MPHOSPH8: variants seen among roughly 807,000 people sequenced by gnomAD.
The protein encoded by MPHOSPH8 is M-phase phosphoprotein, mpp.
A neutral mutation model predicts 87.3 loss-of-function variants in MPHOSPH8; 45 were observed. The observed-to-expected ratio is 0.52, with a 90% CI of 0.41 to 0.66. The LOEUF (loss-of-function observed/expected upper bound fraction) is 0.66. Among genes scored for constraint, MPHOSPH8 ranks in the 30% least tolerant of loss-of-function variants. The probability of loss-of-function intolerance (pLI) is 0.00; values close to 1 mark genes in which losing one functional copy is unlikely to be tolerated. For synonymous variants in MPHOSPH8, 366 were observed against 376.9 expected (o/e 0.97, Z 0.33); for missense variants, 883 against 1,020.2 (o/e 0.87, Z 1.83).
intron 1 of MPHOSPH8, among the ~76,000 whole-genome samples, chr13:19,640,010 C>T (rs1438372175): frequency 1.3e-5 from 2 of 151,898 alleles, no homozygotes; most frequent in South Asian, 2.1e-4. Context: ...GGAGGCTGAG[C>T]GATGAGAATC....
chr13:19,671,884 A>G lies in MPHOSPH8; in HGVS notation c.*9A>G. The G allele has an allele frequency of 6.2e-7, 1 of 1,613,894 alleles. No homozygotes were observed. Among genetic ancestry groups the G allele is most frequent in the Non-Finnish European group, 8.5e-7 (1 of 1,179,746 alleles). On this transcript the variant is annotated 3_prime_UTR_variant, in exon 14 of 14. Coordinates refer to ENST00000361479, the MANE Select transcript of MPHOSPH8 (RefSeq NM_017520.4). ...GAGTGCAGCTGCAGTGACCAAACAGAAGGGACTGGGCGGAGTTCTCTTCAG... is the reference window on the plus strand; with the variant it reads ...GAGTGCAGCTGCAGTGACCAAACAGGAGGGACTGGGCGGAGTTCTCTTCAG...
chr13:19,646,878 C>G lies in MPHOSPH8; in HGVS notation c.805C>G (p.Leu269Val), dbSNP rs1467731684. The change falls in exon 3 of 14, where the codon CTT becomes GTT. Residue 269 changes from leucine to valine, a missense_variant. Leu to Val is a conservative substitution (Grantham distance 32). This residue lies in a region of MPHOSPH8 where 741 missense variants were observed against 841.5 expected (regional missense o/e 0.88). Transcript: ENST00000361479. ...CCAGGTGGAATCTGAATCAAGTGTACTTAATGATTCTCCCTTTCCAGAGGA... is the reference window on the plus strand; with the variant it reads ...CCAGGTGGAATCTGAATCAAGTGTAGTTAATGATTCTCCCTTTCCAGAGGA... The part of the protein sequence containing the change: ...ESQVESESSV[L>V]NDSPFPEDDS... 6.2e-7 allele frequency: 1 copy of G among 1,605,010 alleles called. No individual in the cohort carries two copies. Among genetic ancestry groups the G allele is most frequent in the Admixed American group, 1.7e-5 (1 of 57,278 alleles).
In MPHOSPH8 at chr13:19,659,286, AGAGGTAATATGTCGTT is replaced by A. The variant is rs1185438365; in HGVS notation, c.1791_1791+15del. Reference sequence around the variant, plus strand: ...CAAATGAAGAATATAACCTGGACCAAGAGGTAATATGTCGTTGAAAAATCTCATGAAAGGAAAATGG... The same window carrying A: ...CAAATGAAGAATATAACCTGGACCAAGAAAAATCTCATGAAAGGAAAATGG... On this transcript the variant is annotated splice_donor_variant and splice_donor_5th_base_variant and coding_sequence_variant and intron_variant, in exon 7 of 14. Coordinates refer to ENST00000361479, the MANE Select transcript of MPHOSPH8 (RefSeq NM_017520.4). LOFTEE classifies it high-confidence loss of function. The A allele has an allele frequency of 6.3e-7, 1 of 1,598,758 alleles. No homozygotes were observed. The highest frequency in any genetic ancestry group is 2.2e-5 in the East Asian group (1 of 44,790).
Position 19,666,534 on chromosome 13 carries a change from C to T in MPHOSPH8, c.2129C>T (p.Ser710Phe). 1 of 1,602,046 alleles carries T rather than the reference C, an allele frequency of 6.2e-7. No individual in the cohort carries two copies. Among genetic ancestry groups the T allele is most frequent in the Non-Finnish European group, 8.5e-7 (1 of 1,170,210 alleles). ...QNSALHFAKQ[S>F]NNVLVYDLLK... ...AGTGCCCTGCACTTTGCGAAGCAGT[C>T]TAACAATGTGCTTGTGTACGACTTG... The change falls in exon 10 of 14, where the codon TCT (serine) becomes TTT (phenylalanine). Residue 710 changes from serine to phenylalanine, a missense_variant. Transcript: ENST00000361479.
At chr13:19,649,799 C>G (rs370039007) in intron 4 of MPHOSPH8, among the ~76,000 whole-genome samples, 3 of 152,178 alleles carry the variant, frequency 2.0e-5, no homozygotes, top group East Asian at 1.9e-4. Flanking sequence ...GACATCCTTT[C>G]TGAATATTGA....
At chr13:19,658,299 A>G (rs1017103480) in intron 5 of MPHOSPH8, among the ~76,000 whole-genome samples, 15 of 152,226 alleles carry the variant, frequency 9.9e-5, no homozygotes, top group African/African-American at 3.4e-4. Context: ...TCTACCATCA[A>G]GTAGTTCTGT....
At chr13:19,634,060 C>T (rs1873860815) in intron 1 of MPHOSPH8, 99 bp downstream of exon 1, 9 of 1,248,070 alleles carry the variant, frequency 7.2e-6, no homozygotes, top group African/African-American at 1.5e-5. Flanking sequence ...AAAACAGGAG[C>T]GGGGGAGGAA....
At chr13:19,648,169 TA>T (rs1445821376) in intron 3 of MPHOSPH8, among the ~76,000 whole-genome samples, 1 of 151,668 alleles carries the variant, frequency 6.6e-6, no homozygotes, top group African/African-American at 2.4e-5. Flanking sequence ...TTTTTTTTTT[TA>T]ATAATAAAAT....
In MPHOSPH8 at chr13:19,668,514, C is replaced by G. The variant is rs767994690; in HGVS notation, c.2312C>G (p.Pro771Arg). Residue 771 changes from proline to arginine, a missense_variant, in exon 11 of 14, where the codon CCA (proline) becomes CGA (arginine). Around this residue, in one of 3 missense-constraint regions of MPHOSPH8, gnomAD observed 741 missense variants for 841.5 expected, o/e 0.88. Transcript: ENST00000361479. ...TCAACAGATTTCAATTACAAACCCC[C>G]ACAGAACATACCAGAAGGTAAGCCG... is the stretch of plus-strand genomic sequence containing the variant. ...DFSTDFNYKPPQNIPEGSGIL... is the reference protein window; with the variant it reads ...DFSTDFNYKPRQNIPEGSGIL... 4 of 1,614,056 alleles carry G rather than the reference C, an allele frequency of 2.5e-6. No homozygotes were observed. Among genetic ancestry groups the G allele is most frequent in the Non-Finnish European group, 3.4e-6 (4 of 1,179,984 alleles).
At chr13:19,670,655 C>A (rs1189440070) in intron 12 of MPHOSPH8, among the ~76,000 whole-genome samples, 1 of 152,120 alleles carries the variant, frequency 6.6e-6, no homozygotes, top group Non-Finnish European at 1.5e-5. Flanking sequence ...TACATAATTA[C>A]TTTGCCACTG....
rs763330382 is a variant in MPHOSPH8 at position 19,671,870 on chromosome 13, CA to C, written c.2579del (p.Gln860ArgfsTer28). The C allele has an allele frequency of 6.2e-7, 1 of 1,614,082 alleles. No individual in the cohort carries two copies. The highest frequency in any genetic ancestry group is 1.3e-5 in the African/African-American group (1 of 75,064). The stretch of plus-strand genomic sequence containing the variant: ...AATAGGTGCATACAGAGTGCAGCTG[CA>C]GTGACCAAACAGAAGGGACTGGGCG... ...LLIGAYRVQL[Q>X] On this transcript the variant is annotated frameshift_variant, in exon 14 of 14. Coordinates refer to ENST00000361479, the MANE Select transcript of MPHOSPH8 (RefSeq NM_017520.4). LOFTEE classifies it high-confidence loss of function.
intron 11 of MPHOSPH8, 53 bp downstream of exon 11, chr13:19,668,584 A>C (rs1875948761): frequency 6.6e-7 from 1 of 1,523,348 alleles, no homozygotes; most frequent in African/African-American, 1.4e-5. Context: ...ACACTATATT[A>C]ACAGATTTTT....
chr13:19,656,736 G>A (rs181951346), intron 5 of MPHOSPH8, among the ~76,000 whole-genome samples: 265 of 152,016 alleles, frequency 1.7e-3, no homozygotes, highest in African/African-American at 6.0e-3. Flanking sequence ...CTCCAGCCTG[G>A]GGGACAAGAG....
At chr13:19,663,472 C>T (rs559215586) in intron 9 of MPHOSPH8, among the ~76,000 whole-genome samples, 4 of 152,282 alleles carry the variant, frequency 2.6e-5, no homozygotes, top group South Asian at 2.1e-4. Context: ...GCACTCCGGC[C>T]GCAGCTGGAG....
chr13:19,654,751 C>T (rs1248505105), intron 5 of MPHOSPH8, among the ~76,000 whole-genome samples: 2 of 152,100 alleles, frequency 1.3e-5, no homozygotes, highest in Admixed American at 1.3e-4. Context: ...GAGTTCGAGA[C>T]CAGCCTTACC....
chr13:19,646,705 A>G lies in MPHOSPH8; in HGVS notation c.632A>G (p.Lys211Arg). ...ATTTCTGAAGCCAAAGAAGAACTAA[A>G]GGAGTCCAAAAAGCCCAAAAAAGAT... The part of the protein sequence containing the change: ...KRISEAKEEL[K>R]ESKKPKKDEV... Residue 211 changes from lysine to arginine, a missense_variant, in exon 3 of 14, where the codon AAG becomes AGG. Lys to Arg is a conservative substitution (Grantham distance 26). Transcript: ENST00000361479. The G allele has an allele frequency of 2.5e-6, 4 of 1,593,866 alleles. No homozygotes were observed. Among genetic ancestry groups the G allele is most frequent in the Non-Finnish European group, 3.4e-6 (4 of 1,175,072 alleles).
chr13:19,670,301 T>C lies in MPHOSPH8; in HGVS notation c.2395T>C (p.Cys799Arg), dbSNP rs754918141. The C allele has an allele frequency of 6.2e-7, 1 of 1,614,198 alleles. No individual in the cohort carries two copies. The highest frequency in any genetic ancestry group is 1.1e-5 in the South Asian group (1 of 91,090). Residue 799 changes from cysteine (C) to arginine (R), a missense_variant, in exon 12 of 14, where the codon TGT (cysteine) becomes CGT (arginine). This residue lies in a region of MPHOSPH8 where 741 missense variants were observed against 841.5 expected (regional missense o/e 0.88). Coordinates refer to ENST00000361479, the MANE Select transcript of MPHOSPH8 (RefSeq NM_017520.4). ...FLGKEVIARL[C>R]GPCSVQAVVL... ...GGGTAAAGAAGTTATTGCTCGGCTC[T>C]GTGGACCGTGTAGTGTACAAGCTGT...
At position 19,661,752 on chromosome 13, in the gene MPHOSPH8, C is replaced by G; in HGVS notation, c.1846C>G (p.Leu616Val). 6.2e-7 allele frequency: 1 copy of G among 1,612,628 alleles called. No individual in the cohort carries two copies. The highest frequency in any genetic ancestry group is 8.5e-7 in the Non-Finnish European group (1 of 1,179,186). The change falls in exon 8 of 14, where the codon CTC (leucine) becomes GTC (valine). Residue 616 changes from leucine (L) to valine (V), a missense_variant. Leu to Val is a conservative substitution (Grantham distance 32). Coordinates refer to ENST00000361479, the MANE Select transcript of MPHOSPH8 (RefSeq NM_017520.4). ...TGCCGCCGCCGGAGGGCAGGACGAC[C>G]TCCTGCGACTCCTCATCACAAAAGG... ...MLAAAGGQDD[L>V]LRLLITKGAK...
At chr13:19,643,656 T>A (rs920384119) in intron 2 of MPHOSPH8, among the ~76,000 whole-genome samples, 3 of 150,432 alleles carry the variant, frequency 2.0e-5, no homozygotes, top group African/African-American at 7.5e-5. Flanking sequence ...AATATGGGTA[T>A]TTTTTTTGGC....
Sources: gnomAD v4.1 joint callset for allele counts (sites outside exome capture counted in the v4.1 genomes callset) on GRCh38, gnomAD v4.1.1 for gene constraint, gnomAD v4.1.1 regional missense constraint, MANE v1.5 for transcripts, NCBI Gene and HGNC (gene_info 2026-07-23, HGNC 2026-07-21) for gene names.